Variants in FRMD3 observed in about 807,000 individuals in gnomAD.
FRMD3 encodes the protein FERM domain-containing protein 3.
FRMD3 carries 33 observed loss-of-function variants against 70.2 expected under a neutral mutation model. The observed-to-expected ratio is 0.47, with a 90% CI of 0.36 to 0.63. The LOEUF (loss-of-function observed/expected upper bound fraction) is 0.63. Among genes scored for constraint, FRMD3 ranks in the 20% least tolerant of loss-of-function variants. The probability of loss-of-function intolerance (pLI) is 0.00; values close to 1 mark genes in which losing one functional copy is unlikely to be tolerated. For synonymous variants in FRMD3, 279 were observed against 255.9 expected (o/e 1.09, Z -0.86); for missense variants, 632 against 711.4 (o/e 0.89, Z 1.27).
intron 1 of FRMD3, among the ~76,000 whole-genome samples, chr9:83,479,760 AGG>A (rs1251829098): frequency 1.8e-4 from 13 of 71,468 alleles, no homozygotes; most frequent in South Asian, 6.3e-4. Flanking sequence ...GAGAAGAAGA[AGG>A]GAGGGAGGGA....
At chr9:83,544,393 G>C in the FRMD3 span, among the ~76,000 whole-genome samples, 3 of 152,280 alleles carry the variant, frequency 2.0e-5, no homozygotes, top group East Asian at 5.8e-4. Context: ...CCAAGAACAA[G>C]CCTGGCAGTC....
chr9:83,538,408 GTCCC>G, upstream of FRMD3: 1 of 441,822 alleles, frequency 2.3e-6, no homozygotes, highest in Non-Finnish European at 3.7e-6. The surrounding 1 kb of genome is among the most constrained non-coding windows in gnomAD (Gnocchi z 4.7). Flanking sequence ...CGGCGGGCGG[GTCCC>G]TCCCTCTGTT....
chr9:83,559,006 T>G, the FRMD3 span, among the ~76,000 whole-genome samples: 1 of 152,232 alleles, frequency 6.6e-6, no homozygotes, highest in African/African-American at 2.4e-5. Context: ...ATGCTTGATA[T>G]GGACTTTACT....
intron 1 of FRMD3, among the ~76,000 whole-genome samples, chr9:83,499,998 T>C (rs1829026544): frequency 6.6e-6 from 1 of 152,200 alleles, no homozygotes; most frequent in Non-Finnish European, 1.5e-5. Flanking sequence ...GAAACTAGTC[T>C]GAGAAGACTA....
intron 10 of FRMD3, among the ~76,000 whole-genome samples, chr9:83,302,416 C>T (rs1587700114): frequency 6.6e-6 from 1 of 152,170 alleles, no homozygotes; most frequent in Admixed American, 6.5e-5. Context: ...TTCCTATTCA[C>T]GTCTGGTTCT....
chr9:83,275,171 G>A (rs1471687704), intron 13 of FRMD3, among the ~76,000 whole-genome samples: 2 of 152,214 alleles, frequency 1.3e-5, no homozygotes, highest in Non-Finnish European at 2.9e-5. Context: ...GCAGTAGCAT[G>A]GGACCGAGCC....
At chr9:83,340,970 AG>A (rs1823735030) in intron 5 of FRMD3, among the ~76,000 whole-genome samples, 1 of 152,242 alleles carries the variant, frequency 6.6e-6, no homozygotes, top group South Asian at 2.1e-4. Flanking sequence ...TTAGCAAACA[AG>A]ACGATGAGGG....
At chr9:83,340,523 G>A (rs4242620) in intron 5 of FRMD3, among the ~76,000 whole-genome samples, 33,098 of 152,108 alleles carry the variant, frequency 0.22, 3,906 homozygotes, top group Non-Finnish European at 0.26. Flanking sequence ...TATCCAGCAG[G>A]AGTCAAGATT....
intron 1 of FRMD3, among the ~76,000 whole-genome samples, chr9:83,488,277 G>A (rs936627468): frequency 1.3e-5 from 2 of 152,174 alleles, no homozygotes; most frequent in Admixed American, 6.5e-5. Context: ...GAGGTAATGC[G>A]CTAATGCACA....
chr9:83,448,049 G>T (rs1827532724), intron 1 of FRMD3, among the ~76,000 whole-genome samples: 1 of 152,142 alleles, frequency 6.6e-6, no homozygotes, highest in Non-Finnish European at 1.5e-5. Flanking sequence ...TAAAATGCCA[G>T]ATGTAGATCT....
chr9:83,532,909 C>T (rs1432104550), intron 1 of FRMD3, among the ~76,000 whole-genome samples: 1 of 152,170 alleles, frequency 6.6e-6, no homozygotes, highest in Non-Finnish European at 1.5e-5. Context: ...CTGCAGCCAC[C>T]TCATAATCAT....
chr9:83,508,446 A>G (rs1391815848), intron 1 of FRMD3, among the ~76,000 whole-genome samples: 1 of 152,200 alleles, frequency 6.6e-6, no homozygotes. Flanking sequence ...AAAAAAAAGT[A>G]GTTTATAGAT....
chr9:83,412,698 T>A (rs543843047), intron 1 of FRMD3, among the ~76,000 whole-genome samples: 1 of 152,298 alleles, frequency 6.6e-6, no homozygotes, highest in African/African-American at 2.4e-5. Flanking sequence ...AAATTCTGCA[T>A]CAAAATATGG....
chr9:83,405,986 C>CT lies in FRMD3; in HGVS notation c.148-16279dup, dbSNP rs148695520. Among the ~76,000 whole-genome samples the CT allele has an allele frequency of 6.4e-3, 961 of 149,768 alleles. 13 individuals carry two copies. The highest frequency in any genetic ancestry group is 0.022 in the African/African-American group (889 of 40,888). ...GTGTTTCATTTCACATAGGCAATTT[C>CT]TTTTTTTTTTCCAGCAATTCTATCA... On this transcript the variant is annotated intron_variant, in intron 1 of 13. Coordinates refer to ENST00000304195, the MANE Select transcript of FRMD3 (RefSeq NM_174938.6).
At chr9:83,446,520 G>C (rs112727953) in intron 1 of FRMD3, among the ~76,000 whole-genome samples, 1 of 151,592 alleles carries the variant, frequency 6.6e-6, no homozygotes, top group African/African-American at 2.4e-5. Flanking sequence ...GGTGGCGGGC[G>C]CCTGTAGTCC....
chr9:83,565,923 A>G, the FRMD3 span, among the ~76,000 whole-genome samples: 18 of 152,344 alleles, frequency 1.2e-4, no homozygotes, highest in African/African-American at 4.3e-4. Context: ...GCATACTCCC[A>G]TCTGGGAAAG....
At chr9:83,289,085 C>CA in intron 13 of FRMD3, among the ~76,000 whole-genome samples, 1 of 152,102 alleles carries the variant, frequency 6.6e-6, no homozygotes, top group South Asian at 2.1e-4. Flanking sequence ...ATAATCATGA[C>CA]CTTCAGAAAA....
intron 13 of FRMD3, chr9:83,276,261 A>G (rs1833789332): frequency 1.3e-5 from 2 of 152,192 alleles, no homozygotes; most frequent in African/African-American, 4.8e-5. Flanking sequence ...TACTCTCAAG[A>G]AAGAGTCTAC....
chr9:83,566,010 T>C, the FRMD3 span, among the ~76,000 whole-genome samples: 1 of 152,240 alleles, frequency 6.6e-6, no homozygotes, highest in Non-Finnish European at 1.5e-5. Context: ...GGCCATATGT[T>C]AATCTTGGGG....
Sources: allele counts gnomAD v4.1 joint callset (sites outside exome capture counted in the v4.1 genomes callset), GRCh38; gene constraint gnomAD v4.1.1; non-coding constraint Gnocchi (gnomAD v3.1); transcripts MANE v1.5; gene names NCBI Gene and HGNC (gene_info 2026-07-23, HGNC 2026-07-21).